Variants in ARNT2 observed in about 807,000 individuals in gnomAD.
ARNT2 encodes the protein aryl hydrocarbon receptor nuclear translocator 2, also known as ARNT protein 2.
In ARNT2, 36 loss-of-function variants were observed where a neutral mutation model predicts 91.7. The observed-to-expected ratio is 0.39, with a 90% CI of 0.30 to 0.52. The LOEUF is 0.52. Among genes scored for constraint, ARNT2 ranks in the 20% least tolerant of loss-of-function variants. The pLI, the probability that ARNT2 is intolerant of heterozygous loss-of-function variation, is 0.72. For synonymous variants in ARNT2, 365 were observed against 347.1 expected, an observed-to-expected ratio of 1.05 and a Z score of -0.57; for missense variants, 775 against 939.3, an observed-to-expected ratio of 0.83 and a Z score of 2.29.
intron 1 of ARNT2, among the ~76,000 whole-genome samples, chr15:80,413,775 G>A (rs529546870): frequency 5.9e-5 from 9 of 152,334 alleles, no homozygotes; most frequent in Admixed American, 5.2e-4. Context: ...GGCCTTCCAA[G>A]AGACAAATTA....
chr15:80,567,885 C>T (rs186207053), intron 12 of ARNT2, among the ~76,000 whole-genome samples: 5 of 152,278 alleles, frequency 3.3e-5, no homozygotes, highest in East Asian at 3.9e-4. Context: ...AACTGGCCAG[C>T]TCTTTTTTGA....
rs760833693 is a variant in ARNT2, at chr15:80,574,971, T to C, written c.1390-16T>C. 6.8e-6 allele frequency: 11 copies of C among 1,613,048 alleles called. No homozygotes were observed. Among genetic ancestry groups the C allele is most frequent in the Non-Finnish European group, 7.6e-6 (9 of 1,179,110 alleles). On this transcript the variant is annotated splice_polypyrimidine_tract_variant and intron_variant, in intron 13 of 18. Coordinates refer to ENST00000303329, the MANE Select transcript of ARNT2 (RefSeq NM_014862.4). ...ACGCATGAGTTGCTGTTGTGTTTTA[T>C]TTAATGTGCAAATAGGTCCCCGTCC...
chr15:80,490,845 C>T (rs896086762), intron 5 of ARNT2, among the ~76,000 whole-genome samples: 8 of 152,200 alleles, frequency 5.3e-5, no homozygotes, highest in African/African-American at 1.9e-4. Flanking sequence ...TGGAGCTTTA[C>T]CCCAGGAAAT....
Position 80,597,438 on chromosome 15 carries a change from A to C in ARNT2, c.*3740A>C, listed in dbSNP as rs1596031406. ...CTGCCGGGGTCATTCCCCACCAAAC[A>C]CCCCATACTAAGGAGCCATGAGCCA... On this transcript the variant is annotated 3_prime_UTR_variant, in exon 19 of 19. Coordinates refer to ENST00000303329, the MANE Select transcript of ARNT2 (RefSeq NM_014862.4). 2.9e-6 allele frequency: 1 copy of C among 340,134 alleles called. No homozygotes were observed. Among genetic ancestry groups the C allele is most frequent in the Non-Finnish European group, 5.9e-6 (1 of 169,768 alleles). 21.1% of individuals were successfully genotyped at this position (340,134 alleles called of 1,614,324 possible).
chr15:80,450,486 G>T (rs1305103493), intron 1 of ARNT2, among the ~76,000 whole-genome samples: 2 of 152,226 alleles, frequency 1.3e-5, no homozygotes, highest in African/African-American at 2.4e-5. Context: ...CTCAGGGCGT[G>T]TGCCCCATCT....
intron 6 of ARNT2, 92 bp from the exon 7 acceptor site, chr15:80,513,819 T>C: frequency 9.3e-7 from 1 of 1,072,868 alleles, no homozygotes; most frequent in South Asian, 1.3e-5. Context: ...TGTGTAAGCA[T>C]CAATTAAGGC....
intron 8 of ARNT2, among the ~76,000 whole-genome samples, chr15:80,543,086 G>A: frequency 9.0e-6 from 1 of 111,450 alleles, no homozygotes. Flanking sequence ...AACAGAGCCA[G>A]ACCCGGTCAA....
At chr15:80,574,654 C>T (rs551738288) in intron 13 of ARNT2, among the ~76,000 whole-genome samples, 1 of 152,290 alleles carries the variant, frequency 6.6e-6, no homozygotes, top group East Asian at 1.9e-4. Context: ...GGCTCTGTCT[C>T]CTTTCCTTCT....
chr15:80,530,448 G>A (rs538021822), intron 8 of ARNT2, among the ~76,000 whole-genome samples: 1 of 152,302 alleles, frequency 6.6e-6, no homozygotes, highest in Non-Finnish European at 1.5e-5. Context: ...CATGGTGGCT[G>A]TAAGCTTGTA....
intron 8 of ARNT2, among the ~76,000 whole-genome samples, chr15:80,543,083 C>A: frequency 7.5e-6 from 1 of 133,606 alleles, no homozygotes; most frequent in African/African-American, 2.9e-5. Flanking sequence ...GATAACAGAG[C>A]CAGACCCGGT....
rs181670560 is a variant in ARNT2 at position 80,562,983 on chromosome 15, G to A, written c.1165-105G>A. 2.6e-4 allele frequency: 325 copies of A among 1,272,976 alleles called. 1 individual carries two copies. Among genetic ancestry groups the A allele is most frequent in the South Asian group, 7.0e-4 (55 of 78,074 alleles). The allele number at this position is 1,272,976 out of a possible 1,614,324, so 78.9% of individuals were successfully genotyped here. A position where few individuals can be genotyped will look rare whatever the true frequency, so the allele number is the denominator to read the frequency against. ...TTTAGCCACAATGCCCCTATTCTGAGGTCCTGCTGGCCCCTGCCGCAACCC... is the reference window on the plus strand; with the variant it reads ...TTTAGCCACAATGCCCCTATTCTGAAGTCCTGCTGGCCCCTGCCGCAACCC... On this transcript the variant is annotated intron_variant, in intron 11 of 18. Coordinates refer to ENST00000303329, the MANE Select transcript of ARNT2 (RefSeq NM_014862.4).
intron 2 of ARNT2, among the ~76,000 whole-genome samples, chr15:80,453,961 A>G (rs576581428): frequency 1.3e-5 from 2 of 152,270 alleles, no homozygotes; most frequent in South Asian, 4.2e-4. Flanking sequence ...AGTGTTCCAA[A>G]GCCAATTAGA....
chr15:80,489,061 A>T (rs1897017605), intron 5 of ARNT2, among the ~76,000 whole-genome samples: 1 of 152,258 alleles, frequency 6.6e-6, no homozygotes, highest in Non-Finnish European at 1.5e-5. Flanking sequence ...AGACGAATTG[A>T]ATCATTGCTT....
intron 12 of ARNT2, among the ~76,000 whole-genome samples, chr15:80,571,531 G>A (rs1373208706): frequency 6.6e-6 from 1 of 152,214 alleles, no homozygotes; most frequent in East Asian, 1.9e-4. Flanking sequence ...TAACCATTGT[G>A]GAAAGGGCCA....
At chr15:80,589,596 G>T (rs1419499289) in intron 17 of ARNT2, among the ~76,000 whole-genome samples, 1 of 152,186 alleles carries the variant, frequency 6.6e-6, no homozygotes, top group Non-Finnish European at 1.5e-5. Context: ...AAGCAACATG[G>T]ACCCACTGAA....
chr15:80,554,894 C>G, intron 10 of ARNT2, 171 bp from the exon 11 acceptor site: 1 of 591,290 alleles, frequency 1.7e-6, no homozygotes, highest in East Asian at 2.8e-5. Context: ...GAAGCCAGTT[C>G]TCTGACGGCT....
chr15:80,578,774 G>A (rs907851113), intron 15 of ARNT2, among the ~76,000 whole-genome samples: 1 of 152,148 alleles, frequency 6.6e-6, no homozygotes, highest in African/African-American at 2.4e-5. Context: ...GTACTAGTCT[G>A]TAAAATGAAT....
intron 1 of ARNT2, among the ~76,000 whole-genome samples, chr15:80,415,868 A>C (rs1352795963): frequency 1.3e-5 from 2 of 151,914 alleles, no homozygotes; most frequent in African/African-American, 2.4e-5. Context: ...GGGTTGGGGG[A>C]AGATCAGGCG....
At chr15:80,511,910 G>T (rs1053402843) in intron 6 of ARNT2, among the ~76,000 whole-genome samples, 2 of 152,152 alleles carry the variant, frequency 1.3e-5, no homozygotes, top group African/African-American at 4.8e-5. Context: ...CTGAATGTGA[G>T]CCCTGAATGT....
Sources: allele counts gnomAD v4.1 joint callset (sites outside exome capture counted in the v4.1 genomes callset), GRCh38; gene constraint gnomAD v4.1.1; transcripts MANE v1.5; gene names NCBI Gene and HGNC (gene_info 2026-07-23, HGNC 2026-07-21).